The following BTAF1 variants were observed in gnomAD, a reference collection of about 807,000 sequenced individuals.
BTAF1 encodes B-TFIID TATA-box binding protein associated factor 1.
Under a neutral mutation model 227.1 loss-of-function variants are expected in BTAF1, and 38 were observed. The ratio of observed to expected loss-of-function variants is 0.17; its 90% CI spans 0.13 to 0.22. The LOEUF is 0.22. Ranked by LOEUF, BTAF1 falls within the 10% of genes least tolerant of loss-of-function variation. The pLI is 1.00. For synonymous variants in BTAF1, 742 were observed against 751.9 expected (o/e 0.99, Z 0.21); for missense variants, 1,598 against 2,204.0 (o/e 0.73, Z 5.51).
intron 20 of BTAF1, among the ~76,000 whole-genome samples, chr10:91,991,797 G>GTATATATA (rs1166615338): frequency 4.4e-3 from 44 of 9,976 alleles, no homozygotes; most frequent in African/African-American, 7.9e-3. Flanking sequence ...GTGTGTGTGT[G>GTATATATA]TATATATATA....
At chr10:91,958,860 A>T (rs1359871825) in intron 8 of BTAF1, among the ~76,000 whole-genome samples, 1 of 152,232 alleles carries the variant, frequency 6.6e-6, no homozygotes, top group Non-Finnish European at 1.5e-5. Context: ...CTTGATTTTT[A>T]AAAAATTCCA....
At chr10:91,984,466 TCATGA>T in intron 19 of BTAF1, 62 bp downstream of exon 19, 1 of 1,399,178 alleles carries the variant, frequency 7.1e-7, no homozygotes, top group Non-Finnish European at 9.7e-7. Context: ...TAGAAATTTG[TCATGA>T]CATGTTTATC....
At chr10:91,990,845 G>T (rs971781293) in intron 20 of BTAF1, among the ~76,000 whole-genome samples, 1 of 152,046 alleles carries the variant, frequency 6.6e-6, no homozygotes, top group Non-Finnish European at 1.5e-5. Context: ...AGTGGCTCAT[G>T]CCTGTAATCC....
intron 4 of BTAF1, among the ~76,000 whole-genome samples, chr10:91,943,429 G>GA (rs1444060545): frequency 1.3e-5 from 2 of 152,142 alleles, no homozygotes; most frequent in African/African-American, 4.8e-5. Context: ...CTGGAGTGGG[G>GA]AAAAAACCTT....
chr10:92,018,209 G>C (rs947405603), intron 33 of BTAF1, among the ~76,000 whole-genome samples: 2 of 151,980 alleles, frequency 1.3e-5, no homozygotes, highest in South Asian at 2.1e-4. Context: ...TCAGCCTCCC[G>C]AGTTGCTGGG....
At chr10:91,980,982 A>G (rs575364914) in intron 15 of BTAF1, among the ~76,000 whole-genome samples, 1 of 152,298 alleles carries the variant, frequency 6.6e-6, no homozygotes, top group East Asian at 1.9e-4. Flanking sequence ...TGTTAGAATC[A>G]TTAAAGGAGG....
At chr10:91,924,859 T>C (rs1241287877) in intron 1 of BTAF1, among the ~76,000 whole-genome samples, 1 of 152,230 alleles carries the variant, frequency 6.6e-6, no homozygotes, top group Non-Finnish European at 1.5e-5. Context: ...TGACCCTCTG[T>C]ACATGTAATT....
At chr10:91,991,219 C>T (rs1350778911) in intron 20 of BTAF1, among the ~76,000 whole-genome samples, 1 of 138,066 alleles carries the variant, frequency 7.2e-6, no homozygotes. Flanking sequence ...GCACTCCAGC[C>T]TGGGCGACAG....
At chr10:92,012,044 T>C (rs1850325747) in intron 30 of BTAF1, among the ~76,000 whole-genome samples, 1 of 148,096 alleles carries the variant, frequency 6.8e-6, no homozygotes, top group Non-Finnish European at 1.5e-5. Context: ...TGATGATTCT[T>C]TATGTACTTA....
intron 4 of BTAF1, among the ~76,000 whole-genome samples, chr10:91,948,332 A>AT (rs919088134): frequency 1.3e-5 from 2 of 150,544 alleles, no homozygotes; most frequent in African/African-American, 2.4e-5. Flanking sequence ...GTGGTTTAAA[A>AT]TTTTTTTTTC....
intron 20 of BTAF1, among the ~76,000 whole-genome samples, chr10:91,991,797 G>GTGTGTATATATA (rs1554860529): frequency 1.0e-4 from 1 of 10,004 alleles, no homozygotes; most frequent in African/African-American, 1.8e-4. Context: ...GTGTGTGTGT[G>GTGTGTATATATA]TATATATATA....
At chr10:91,924,413 A>G (rs1843688881) in intron 1 of BTAF1, among the ~76,000 whole-genome samples, 1 of 151,946 alleles carries the variant, frequency 6.6e-6, no homozygotes, top group Non-Finnish European at 1.5e-5. Flanking sequence ...CTTTCTCAGT[A>G]TTCTAAGGCT....
intron 8 of BTAF1, 129 bp downstream of exon 8, chr10:91,957,422 A>G (rs908327861): frequency 1.7e-6 from 1 of 579,372 alleles, no homozygotes; most frequent in Non-Finnish European, 3.0e-6. Flanking sequence ...AGGGCACGTC[A>G]TATCATTGAC....
intron 13 of BTAF1, among the ~76,000 whole-genome samples, chr10:91,965,255 C>T (rs777519125): frequency 6.6e-6 from 1 of 152,056 alleles, no homozygotes; most frequent in Admixed American, 6.5e-5. Flanking sequence ...TGTGAAAGCC[C>T]TCTTTAAGCT....
intron 22 of BTAF1, among the ~76,000 whole-genome samples, 188 bp from the exon 23 acceptor site, chr10:91,994,347 A>G (rs963802829): frequency 2.6e-5 from 4 of 152,160 alleles, no homozygotes; most frequent in Non-Finnish European, 4.4e-5. Flanking sequence ...ATGGATCACT[A>G]TGTTTAAGTT....
At chr10:91,988,150 A>G (rs1848531623) in intron 19 of BTAF1, among the ~76,000 whole-genome samples, 1 of 152,196 alleles carries the variant, frequency 6.6e-6, no homozygotes, top group African/African-American at 2.4e-5. Flanking sequence ...TTCCCACAGC[A>G]ACTTGCACTT....
At position 92,011,308 on chromosome 10, in the gene BTAF1, A is replaced by G. The variant is rs1351125803; in HGVS notation, c.4204A>G (p.Ile1402Val). Residue 1402 changes from isoleucine to valine, a missense_variant, in exon 30 of 38, where the codon ATT becomes GTT. Coordinates refer to ENST00000265990, the MANE Select transcript of BTAF1 (RefSeq NM_003972.3). ...TAGAAATATTAAATTTAACTACTGC[A>G]TTCTTGATGAAGGCCATGTCATCAA... The part of the protein sequence containing the change: ...FFRNIKFNYC[I>V]LDEGHVIKNG... 6.7e-7 allele frequency: 1 copy of G among 1,503,082 alleles called. No individual in the cohort carries two copies. Among genetic ancestry groups the G allele is most frequent in the Non-Finnish European group, 8.9e-7 (1 of 1,125,776 alleles). 93.1% of individuals were successfully genotyped at this position (1,503,082 alleles called of 1,614,324 possible).
chr10:91,938,676 A>G (rs1489429294), intron 2 of BTAF1, among the ~76,000 whole-genome samples: 1 of 152,106 alleles, frequency 6.6e-6, no homozygotes, highest in Non-Finnish European at 1.5e-5. Context: ...CTTTGTAGAA[A>G]GTTTTGAAGT....
intron 34 of BTAF1, among the ~76,000 whole-genome samples, chr10:92,022,143 A>G (rs958296943): frequency 6.6e-6 from 1 of 152,176 alleles, no homozygotes; most frequent in African/African-American, 2.4e-5. Context: ...CAGAGTATCA[A>G]TTCTGCTACC....
Sources: allele counts gnomAD v4.1 joint callset (sites outside exome capture counted in the v4.1 genomes callset), GRCh38; gene constraint gnomAD v4.1.1; transcripts MANE v1.5; gene names NCBI Gene and HGNC (gene_info 2026-07-23, HGNC 2026-07-21).